The following PCDH11Y variants were observed in gnomAD, a reference collection of about 807,000 sequenced individuals.
PCDH11Y encodes protocadherin 11 Y-linked, also known as protocadherin-11 Y-linked.
For synonymous variants in PCDH11Y, 9 were observed against 83.6 expected, an observed-to-expected ratio of 0.11 and a Z score of 4.87; for missense variants, 12 against 224.8, an observed-to-expected ratio of 0.05 and a Z score of 6.05.
At chrY:5,580,463 C>A in intron 3 of PCDH11Y, among the ~76,000 whole-genome samples, 1 of 31,825 alleles carries the variant, frequency 3.1e-5, no homozygotes, top group Non-Finnish European at 7.8e-5. Context: ...ATTATGAATT[C>A]TAATTAATAC....
At chrY:5,546,700 A>T in intron 3 of PCDH11Y, among the ~76,000 whole-genome samples, 1 of 30,983 alleles carries the variant, frequency 3.2e-5, no homozygotes, top group African/African-American at 1.2e-4. Flanking sequence ...TAAAGTTGAC[A>T]TGGTGTTGCC....
chrY:5,666,648 G>A (rs2053544811), intron 4 of PCDH11Y, among the ~76,000 whole-genome samples: 1 of 32,493 alleles, frequency 3.1e-5, no homozygotes, highest in Non-Finnish European at 7.5e-5. Context: ...CTTCTCACCT[G>A]GAGTTTCTAA....
At chrY:5,374,873 T>C (rs2053196453) in intron 2 of PCDH11Y, among the ~76,000 whole-genome samples, 1 of 33,442 alleles carries the variant, frequency 3.0e-5, no homozygotes, top group Non-Finnish European at 7.4e-5. Context: ...TCAAGGTTTA[T>C]CCATGTGGAT....
At chrY:5,373,348 G>T (rs1602914253) in intron 2 of PCDH11Y, among the ~76,000 whole-genome samples, 12 of 25,506 alleles carry the variant, frequency 4.7e-4, no homozygotes, top group African/African-American at 1.9e-3. Flanking sequence ...ACCACACCCA[G>T]CTAATTTTTA....
intron 2 of PCDH11Y, among the ~76,000 whole-genome samples, chrY:5,396,077 C>T (rs2053226843): frequency 2.9e-5 from 1 of 34,049 alleles, no homozygotes; most frequent in Admixed American, 2.7e-4. Flanking sequence ...CTCAGCCTCC[C>T]GAGTAGCTGG....
chrY:5,216,417 C>T (rs2052946412), intron 2 of PCDH11Y, among the ~76,000 whole-genome samples: 1 of 29,635 alleles, frequency 3.4e-5, no homozygotes, highest in African/African-American at 1.3e-4. Context: ...TCTGTTTGAC[C>T]TGTATCTGTT....
At chrY:5,449,505 C>T in intron 2 of PCDH11Y, among the ~76,000 whole-genome samples, 2 of 33,308 alleles carry the variant, frequency 6.0e-5, no homozygotes, top group African/African-American at 2.3e-4. Context: ...ATCATGCTTG[C>T]ATCTATAATC....
At chrY:5,201,583 C>T (rs2124649907) in intron 2 of PCDH11Y, among the ~76,000 whole-genome samples, 1 of 32,101 alleles carries the variant, frequency 3.1e-5, no homozygotes, top group Admixed American at 2.9e-4. Flanking sequence ...TGTACTTCCT[C>T]ATTTATGTTT....
chrY:5,064,340 TTTAC>T (rs2052681110), intron 1 of PCDH11Y, among the ~76,000 whole-genome samples: 2 of 23,813 alleles, frequency 8.4e-5, no homozygotes, highest in African/African-American at 3.2e-4. Flanking sequence ...TTCTCATCCT[TTTAC>T]TTATTTTATA....
chrY:5,226,303 G>A, intron 2 of PCDH11Y, among the ~76,000 whole-genome samples: 1 of 31,885 alleles, frequency 3.1e-5, no homozygotes, highest in East Asian at 8.2e-4. Flanking sequence ...GAGCCAGCAC[G>A]CCCAGCCCTG....
At chrY:5,647,949 G>A in intron 4 of PCDH11Y, among the ~76,000 whole-genome samples, 1 of 33,128 alleles carries the variant, frequency 3.0e-5, no homozygotes, top group African/African-American at 1.2e-4. Context: ...AAAAGAAGAC[G>A]TAATGTTTTA....
intron 2 of PCDH11Y, among the ~76,000 whole-genome samples, chrY:5,325,004 G>T: frequency 3.1e-5 from 1 of 32,135 alleles, no homozygotes; most frequent in Admixed American, 2.9e-4. Context: ...GGTGCTCAGT[G>T]GGGGTGTTTT....
Position 5,320,518 on chromosome Y carries a change from T to A in PCDH11Y, c.3130-180539T>A. On this transcript the variant is annotated intron_variant, in intron 2 of 4. Transcript: ENST00000400457. ...TTGAGCACTTTTAGGCCAATCATCA[T>A]GCATTTTTTCTTTTAGAAACAAAGT... Among the ~76,000 whole-genome samples the A allele has an allele frequency of 8.9e-5, 3 of 33,544 alleles. No homozygotes were observed. The East Asian group carries it at 2.4e-3, about 26-fold the overall frequency. The allele number at this position is 33,544 out of a possible 37,273, so 90.0% of individuals were successfully genotyped here.
At chrY:5,198,573 G>A (rs2563126) in intron 2 of PCDH11Y, among the ~76,000 whole-genome samples, 5 of 32,806 alleles carry the variant, frequency 1.5e-4, no homozygotes, top group African/African-American at 5.9e-4. Flanking sequence ...TCTGTTTTAC[G>A]GTAGGAGAAA....
At chrY:5,520,526 T>C in intron 3 of PCDH11Y, among the ~76,000 whole-genome samples, 1 of 33,232 alleles carries the variant, frequency 3.0e-5, no homozygotes, top group African/African-American at 1.2e-4. Context: ...TAGTTACCTA[T>C]TGATATTTTC....
intron 3 of PCDH11Y, among the ~76,000 whole-genome samples, chrY:5,046,719 C>A: frequency 3.0e-5 from 1 of 33,410 alleles, no homozygotes; most frequent in Non-Finnish European, 7.5e-5. Context: ...GCCTCGCTGC[C>A]GCCTTGCAGT....
chrY:5,008,533 C>A, intron 1 of PCDH11Y, among the ~76,000 whole-genome samples: 1 of 31,431 alleles, frequency 3.2e-5, no homozygotes, highest in Non-Finnish European at 7.7e-5. Flanking sequence ...TGGGCAAAAA[C>A]CTTCACCTCC....
chrY:5,330,863 A>G, intron 2 of PCDH11Y, among the ~76,000 whole-genome samples: 2 of 33,967 alleles, frequency 5.9e-5, no homozygotes, highest in South Asian at 6.5e-4. Flanking sequence ...TCTTATGACT[A>G]TTGAACAATT....
At chrY:5,397,470 T>C in intron 2 of PCDH11Y, among the ~76,000 whole-genome samples, 1 of 32,524 alleles carries the variant, frequency 3.1e-5, no homozygotes. Context: ...TCCAGTACAA[T>C]GTTTAATTGC....
Sources: allele counts gnomAD v4.1 joint callset (sites outside exome capture counted in the v4.1 genomes callset), GRCh38; gene constraint gnomAD v4.1.1; transcripts MANE v1.5; gene names NCBI Gene and HGNC (gene_info 2026-07-23, HGNC 2026-07-21).